Variants in SMIM14 observed in about 807,000 individuals in gnomAD.
The protein encoded by SMIM14 is chromosome 4 open reading frame 34.
A neutral mutation model predicts 12.6 loss-of-function variants in SMIM14; 5 were observed. The observed-to-expected ratio is 0.40, with a 90% CI of 0.21 to 0.83. SMIM14 has a LOEUF of 0.83. Ranked by LOEUF, SMIM14 falls within the 40% of genes least tolerant of loss-of-function variation. The probability of loss-of-function intolerance (pLI) is 0.37; values close to 1 mark genes in which losing one functional copy is unlikely to be tolerated. For missense variants in SMIM14, 86 were observed against 119.1 expected, an observed-to-expected ratio of 0.72 and a Z score of 1.29; for synonymous variants, 30 against 40.1, an observed-to-expected ratio of 0.75 and a Z score of 0.95.
chr4:39,569,817 C>T (rs28455510), intron 3 of SMIM14, among the ~76,000 whole-genome samples: 21,178 of 152,084 alleles, frequency 0.14, 3,500 homozygotes, highest in African/African-American at 0.4. Context: ...AGAAAAGCTC[C>T]CTCTATTCCC....
At chr4:39,576,117 AC>A (rs1713155600) in intron 2 of SMIM14, among the ~76,000 whole-genome samples, 1 of 148,236 alleles carries the variant, frequency 6.7e-6, no homozygotes, top group Admixed American at 6.7e-5. Flanking sequence ...TTGGTCTCTA[AC>A]TCCTGATCTC....
chr4:39,612,412 G>A (rs1328222423), intron 1 of SMIM14, among the ~76,000 whole-genome samples: 1 of 151,906 alleles, frequency 6.6e-6, no homozygotes, highest in Admixed American at 6.6e-5. Flanking sequence ...GCGCTATGCT[G>A]GTCTGGATAT....
intron 3 of SMIM14, among the ~76,000 whole-genome samples, chr4:39,569,112 A>C (rs1029866625): frequency 3.9e-5 from 6 of 152,220 alleles, no homozygotes; most frequent in South Asian, 2.1e-4. Flanking sequence ...GTTGAGGCAA[A>C]TATTTGAGCT....
chr4:39,547,247 C>CA lies in SMIM14; in HGVS notation c.*4878dup, dbSNP rs1747377897. 1 of 152,148 alleles carries CA rather than the reference C, an allele frequency of 6.6e-6. No individual in the cohort carries two copies. The highest frequency in any genetic ancestry group is 1.5e-5 in the Non-Finnish European group (1 of 68,022). The allele number at this position is 152,148 out of a possible 1,614,324, so 9.4% of individuals were successfully genotyped here. On this transcript the variant is annotated 3_prime_UTR_variant, in exon 5 of 5. Transcript: ENST00000295958. ...ATACACAATGTTAACATCTACTAGG[C>CA]AAAAGATGCTTGCTTCTCTTCCCAC... is the stretch of plus-strand genomic sequence containing the variant.
At chr4:39,629,413 T>A (rs146784826) in intron 1 of SMIM14, among the ~76,000 whole-genome samples, 4 of 144,120 alleles carry the variant, frequency 2.8e-5, no homozygotes, top group Admixed American at 1.5e-4. Context: ...ACTATGTTGA[T>A]CCCACATAAT....
At chr4:39,559,796 T>C (rs1193078378) in intron 3 of SMIM14, among the ~76,000 whole-genome samples, 1 of 152,138 alleles carries the variant, frequency 6.6e-6, no homozygotes, top group African/African-American at 2.4e-5. Context: ...ATGTAGCCTC[T>C]GTTCCAAACC....
At chr4:39,600,710 C>T (rs1483597006) in intron 2 of SMIM14, among the ~76,000 whole-genome samples, 1 of 151,148 alleles carries the variant, frequency 6.6e-6, no homozygotes, top group Non-Finnish European at 1.5e-5. Context: ...CAAAACAAAA[C>T]AAGAGAAAAA....
intron 1 of SMIM14, among the ~76,000 whole-genome samples, chr4:39,629,449 A>ATTTT (rs10686216): frequency 3.8e-5 from 5 of 129,950 alleles, no homozygotes; most frequent in East Asian, 4.4e-4. Context: ...CTTATAAATG[A>ATTTT]TTTTTTTTTT....
chr4:39,609,484 G>A (rs1166754276), intron 1 of SMIM14, among the ~76,000 whole-genome samples: 1 of 152,132 alleles, frequency 6.6e-6, no homozygotes, highest in African/African-American at 2.4e-5. Flanking sequence ...TAGAAGGTGT[G>A]AGACTTGGGG....
At chr4:39,612,540 G>A (rs967168701) in intron 1 of SMIM14, among the ~76,000 whole-genome samples, 5 of 152,102 alleles carry the variant, frequency 3.3e-5, no homozygotes, top group East Asian at 3.8e-4. Context: ...TACTCCTGAC[G>A]TGTATCCCCC....
intron 3 of SMIM14, among the ~76,000 whole-genome samples, chr4:39,561,853 C>T (rs963988852): frequency 2.6e-5 from 4 of 151,982 alleles, no homozygotes; most frequent in African/African-American, 4.8e-5. Context: ...AAAAATTGCT[C>T]GAACCCGGAA....
At chr4:39,599,479 T>A in intron 2 of SMIM14, among the ~76,000 whole-genome samples, 1 of 152,018 alleles carries the variant, frequency 6.6e-6, no homozygotes, top group Admixed American at 6.6e-5. Context: ...AGAAACAAGG[T>A]GATCCATAAA....
At chr4:39,586,837 CA>C (rs1291713372) in intron 2 of SMIM14, among the ~76,000 whole-genome samples, 2 of 152,014 alleles carry the variant, frequency 1.3e-5, no homozygotes, top group African/African-American at 4.8e-5. Context: ...TTATTTCTGA[CA>C]ACTATGAAGG....
At chr4:39,575,995 G>C (rs1483300345) in intron 2 of SMIM14, among the ~76,000 whole-genome samples, 4 of 151,378 alleles carry the variant, frequency 2.6e-5, no homozygotes, top group Admixed American at 6.6e-5. Flanking sequence ...CCAGGTTCAA[G>C]TGATTGTCCT....
At chr4:39,580,346 T>G (rs1713433141) in intron 2 of SMIM14, among the ~76,000 whole-genome samples, 1 of 151,812 alleles carries the variant, frequency 6.6e-6, no homozygotes. Flanking sequence ...ACACCCGGTT[T>G]TTAAATTTTT....
At position 39,638,843 on chromosome 4, in the gene SMIM14, T is replaced by C; in HGVS notation, c.-140A>G. 1 of 985,902 alleles carries C rather than the reference T, an allele frequency of 1.0e-6. No individual in the cohort carries two copies. The allele number at this position is 985,902 out of a possible 1,614,324, so 61.1% of individuals were successfully genotyped here. A position where few individuals can be genotyped will look rare whatever the true frequency, so the allele number is the denominator to read the frequency against. The stretch of plus-strand genomic sequence containing the variant: ...AGAAGGCTGCGGCTGCTCCGGACGC[T>C]GCTGCCACTGCCGTTTCTGGCCGCC... On this transcript the variant is annotated 5_prime_UTR_variant, in exon 1 of 5. Transcript: ENST00000295958.
rs1214143411 is a variant in SMIM14 at position 39,578,668 on chromosome 4, T to C, written c.76-6205A>G. On this transcript the variant is annotated intron_variant, in intron 2 of 4. Coordinates refer to ENST00000295958, the MANE Select transcript of SMIM14 (RefSeq NM_174921.3). The stretch of plus-strand genomic sequence containing the variant: ...GATCTCCCCATCTAAACAAGGATGG[T>C]CGTGAAAGTTCTTGAGGTGAGGAAA... Among the ~76,000 whole-genome samples, 3 of 151,920 alleles carry C rather than the reference T, an allele frequency of 2.0e-5. No homozygotes were observed. The East Asian group carries it at 5.8e-4, about 29-fold the overall frequency.
At chr4:39,575,897 CTT>C (rs148467773) in intron 2 of SMIM14, among the ~76,000 whole-genome samples, 7 of 132,968 alleles carry the variant, frequency 5.3e-5, no homozygotes, top group Admixed American at 7.7e-5. Flanking sequence ...ACCCAGCCTA[CTT>C]TTTTTTTTTT....
rs144053995 is a variant in SMIM14 at position 39,597,084 on chromosome 4, CCT to C, written c.75+7985_75+7986del. On this transcript the variant is annotated intron_variant, in intron 2 of 4. Transcript: ENST00000295958. ...AGCCACGGTGCCCGGCCCAGGTTTC[CCT>C]TTTTTTTTTTTTTTTTTTTTAGCCT... 1.7e-4 allele frequency among the ~76,000 whole-genome samples: 23 copies of C among 133,288 alleles called. 1 individual carries two copies. The highest frequency in any genetic ancestry group is 4.3e-4 in the East Asian group (2 of 4,670). 87.4% of individuals were successfully genotyped at this position (133,288 alleles called of 152,430 possible).
Sources: allele counts gnomAD v4.1 joint callset (sites outside exome capture counted in the v4.1 genomes callset), GRCh38; gene constraint gnomAD v4.1.1; transcripts MANE v1.5; gene names NCBI Gene and HGNC (gene_info 2026-07-23, HGNC 2026-07-21).